The following ATXN1 variants were observed in gnomAD, a reference collection of about 807,000 sequenced individuals.
The protein encoded by ATXN1 is ataxin-1.
A neutral mutation model predicts 56.4 loss-of-function variants in ATXN1; 8 were observed. That is an observed-to-expected ratio of 0.14 (90% confidence interval 0.08 to 0.26). The LOEUF (loss-of-function observed/expected upper bound fraction) is 0.26. Ranked by LOEUF, ATXN1 falls within the 10% of genes least tolerant of loss-of-function variation. The pLI is 1.00. For synonymous variants in ATXN1, 514 were observed against 494.6 expected (o/e 1.04, Z -0.52); for missense variants, 987 against 1,106.5 (o/e 0.89, Z 1.53).
intron 5 of ATXN1, among the ~76,000 whole-genome samples, chr6:16,499,103 G>A (rs1159133652): frequency 6.6e-6 from 1 of 152,020 alleles, no homozygotes; most frequent in Non-Finnish European, 1.5e-5. Flanking sequence ...ATTTACTCCT[G>A]TTTTCATTTA....
chr6:16,544,141 C>T (rs535060447), intron 4 of ATXN1, among the ~76,000 whole-genome samples: 19 of 152,292 alleles, frequency 1.2e-4, no homozygotes, highest in African/African-American at 3.8e-4. Context: ...TCAAGTCCCT[C>T]GCATGCTCCA....
At position 16,327,592 on chromosome 6, in the gene ATXN1, G is replaced by T. The variant is rs765101037; in HGVS notation, c.719C>A (p.Pro240Gln). The T allele has an allele frequency of 5.6e-5, 90 of 1,594,830 alleles. No homozygotes were observed. Among genetic ancestry groups the T allele is most frequent in the South Asian group, 1.8e-4 (16 of 89,436 alleles). ...GACGTACTGGTTCTGCTGGGCTGGT[G>T]GGGGGGACCCCGGGGTGATGAGCCC... is the stretch of plus-strand genomic sequence containing the variant. Reference protein sequence around the residue: ...APGLITPGSPPPAQQNQYVHI... With the variant: ...APGLITPGSPQPAQQNQYVHI... Residue 240 changes from proline (P) to glutamine (Q), a missense_variant, in exon 7 of 8, where the codon CCA becomes CAA. Pro to Gln is a moderately conservative substitution (Grantham distance 76, BLOSUM62 -1). This residue lies in a region of ATXN1 where 723 missense variants were observed against 791.7 expected (regional missense o/e 0.91). Coordinates refer to ENST00000436367, the MANE Select transcript of ATXN1 (RefSeq NM_001128164.2).
At chr6:16,317,377 T>C (rs112342550) in intron 7 of ATXN1, among the ~76,000 whole-genome samples, 2 of 145,662 alleles carry the variant, frequency 1.4e-5, no homozygotes, top group African/African-American at 2.8e-5. Context: ...AAGGCTAGAG[T>C]GTAGTGGTGC....
intron 5 of ATXN1, among the ~76,000 whole-genome samples, chr6:16,492,389 C>T (rs1301698232): frequency 2.0e-5 from 3 of 151,802 alleles, no homozygotes; most frequent in South Asian, 4.2e-4. Context: ...CTAACCTGCA[C>T]ATTGTGCACA....
chr6:16,329,535 T>G (rs771343125), intron 6 of ATXN1, among the ~76,000 whole-genome samples: 1 of 152,152 alleles, frequency 6.6e-6, no homozygotes, highest in African/African-American at 2.4e-5. Flanking sequence ...AAAACCGAAT[T>G]TGATTATGGT....
chr6:16,469,543 G>A (rs1296658976), intron 6 of ATXN1, among the ~76,000 whole-genome samples: 1 of 152,172 alleles, frequency 6.6e-6, no homozygotes, highest in African/African-American at 2.4e-5. Context: ...AAAGAGGTCA[G>A]CAGAAAGGAT....
intron 4 of ATXN1, among the ~76,000 whole-genome samples, chr6:16,569,788 T>C (rs1226473090): frequency 1.3e-5 from 2 of 152,186 alleles, no homozygotes; most frequent in Non-Finnish European, 2.9e-5. Context: ...TCCACATGAC[T>C]AAATTCTGGT....
intron 4 of ATXN1, among the ~76,000 whole-genome samples, chr6:16,558,153 G>A (rs1462020976): frequency 2.6e-5 from 4 of 151,958 alleles, no homozygotes; most frequent in Non-Finnish European, 5.9e-5. Context: ...AGACTGCATT[G>A]TGGCTGGGCA....
chr6:16,414,154 C>T (rs940761814), intron 6 of ATXN1, among the ~76,000 whole-genome samples: 5 of 152,210 alleles, frequency 3.3e-5, no homozygotes, highest in African/African-American at 9.6e-5. Context: ...GATAATCTCA[C>T]GCCAGCTCTC....
chr6:16,601,630 C>T (rs1216046165), intron 3 of ATXN1, among the ~76,000 whole-genome samples: 1 of 152,144 alleles, frequency 6.6e-6, no homozygotes, highest in Non-Finnish European at 1.5e-5. Context: ...GCGGGCGGAC[C>T]ATGAGGTCAG....
chr6:16,482,349 T>C (rs1760456698), intron 6 of ATXN1, among the ~76,000 whole-genome samples: 1 of 152,236 alleles, frequency 6.6e-6, no homozygotes, highest in African/African-American at 2.4e-5. Flanking sequence ...TCCCTCCTTT[T>C]GCAGAGCTTG....
At chr6:16,656,477 A>G (rs1264636426) in intron 3 of ATXN1, among the ~76,000 whole-genome samples, 2 of 151,116 alleles carry the variant, frequency 1.3e-5, no homozygotes, top group African/African-American at 5.0e-5. Flanking sequence ...GCTTCCAGGT[A>G]ATATCATGAA....
chr6:16,756,682 GC>G (rs1760896680), intron 1 of ATXN1, among the ~76,000 whole-genome samples: 1 of 152,070 alleles, frequency 6.6e-6, no homozygotes. Flanking sequence ...AAAAATAATA[GC>G]CTGTCTTACT....
chr6:16,655,691 CAAAT>C (rs1033865768), intron 3 of ATXN1, among the ~76,000 whole-genome samples: 5 of 150,670 alleles, frequency 3.3e-5, no homozygotes, highest in Admixed American at 1.3e-4. Flanking sequence ...AACCCCGTCT[CAAAT>C]AAATAAATAA....
intron 3 of ATXN1, among the ~76,000 whole-genome samples, chr6:16,604,002 C>T (rs1762957261): frequency 6.6e-6 from 1 of 152,062 alleles, no homozygotes; most frequent in African/African-American, 2.4e-5. Flanking sequence ...ACTATCTCTC[C>T]TAGAAGTGGT....
intron 6 of ATXN1, among the ~76,000 whole-genome samples, chr6:16,329,205 G>A (rs1760921979): frequency 6.6e-6 from 1 of 151,914 alleles, no homozygotes; most frequent in Non-Finnish European, 1.5e-5. Flanking sequence ...AACATAAAAT[G>A]AAGCCCTTGG....
chr6:16,698,480 C>T (rs1410648750), intron 2 of ATXN1, among the ~76,000 whole-genome samples: 1 of 152,108 alleles, frequency 6.6e-6, no homozygotes, highest in Non-Finnish European at 1.5e-5. Context: ...AGCTACGGCA[C>T]ACATGCAGTC....
chr6:16,467,649 C>A (rs1012937035), intron 6 of ATXN1, among the ~76,000 whole-genome samples: 4 of 152,166 alleles, frequency 2.6e-5, no homozygotes, highest in African/African-American at 9.7e-5. Context: ...GTTTTCCATT[C>A]TTTTCTATGG....
At chr6:16,697,757 C>T (rs963980757) in intron 2 of ATXN1, among the ~76,000 whole-genome samples, 9 of 152,154 alleles carry the variant, frequency 5.9e-5, no homozygotes, top group South Asian at 2.1e-4. Context: ...GTATTTTAAA[C>T]TCTTCTAACA....
Sources: allele counts gnomAD v4.1 joint callset (sites outside exome capture counted in the v4.1 genomes callset), GRCh38; gene constraint gnomAD v4.1.1; regional missense constraint gnomAD v4.1.1; transcripts MANE v1.5; gene names NCBI Gene and HGNC (gene_info 2026-07-23, HGNC 2026-07-21).